Variants in DENND4C observed in about 807,000 individuals in gnomAD.
The protein encoded by DENND4C is DENN domain containing 4C.
In DENND4C, 108 loss-of-function variants were observed where a neutral mutation model predicts 203.0. The ratio of observed to expected loss-of-function variants is 0.53; its 90% CI spans 0.46 to 0.62. DENND4C has a LOEUF of 0.62. Ranked by LOEUF, DENND4C falls within the 20% of genes least tolerant of loss-of-function variation. DENND4C has a pLI of 0.00. For synonymous variants in DENND4C, 871 were observed against 792.4 expected, an observed-to-expected ratio of 1.10 and a Z score of -1.67; for missense variants, 2,481 against 2,301.2, an observed-to-expected ratio of 1.08 and a Z score of -1.60.
chr9:19,348,564 G>A (rs1292705954), intron 23 of DENND4C, among the ~76,000 whole-genome samples: 3 of 152,148 alleles, frequency 2.0e-5, no homozygotes, highest in Non-Finnish European at 4.4e-5. Flanking sequence ...ATTTCAGATC[G>A]TAAAAGGTCT....
Position 19,346,459 on chromosome 9 carries a change from G to A in DENND4C, c.3690G>A (p.Lys1230=), listed in dbSNP as rs760551297. Residue 1230 remains lysine (K), a synonymous_variant, in exon 23 of 33, where the codon AAG becomes AAA. Transcript: ENST00000434457. ...LKTVSKDLRN[K]RSSLYGIAKV... is the part of the protein sequence containing the mutation. ...CAGTATCCAAAGATCTGAGGAATAA[G>A]AGAAGTAGTTTATATGGTATTGCTA... is the stretch of plus-strand genomic sequence containing the variant. The A allele has an allele frequency of 3.1e-6, 5 of 1,614,182 alleles. No individual in the cohort carries two copies. The highest frequency in any genetic ancestry group is 4.2e-6 in the Non-Finnish European group (5 of 1,180,036).
intron 12 of DENND4C, among the ~76,000 whole-genome samples, chr9:19,320,039 C>G (rs1230363210): frequency 1.3e-5 from 2 of 152,050 alleles, no homozygotes; most frequent in African/African-American, 4.8e-5. Flanking sequence ...GGTTCAAGAG[C>G]TGCAGTGTCC....
intron 21 of DENND4C, among the ~76,000 whole-genome samples, chr9:19,342,245 G>A (rs1055264793): frequency 1.3e-4 from 20 of 151,660 alleles, no homozygotes; most frequent in African/African-American, 4.6e-4. Context: ...TTTGGCTTAT[G>A]GAATAAGACA....
chr9:19,282,443 G>A (rs1251160760), intron 2 of DENND4C, among the ~76,000 whole-genome samples: 1 of 150,734 alleles, frequency 6.6e-6, no homozygotes, highest in Non-Finnish European at 1.5e-5. Context: ...TTGTAGAGAT[G>A]GGGTTTCGCC....
chr9:19,275,899 G>T (rs1321217676), intron 1 of DENND4C, among the ~76,000 whole-genome samples: 1 of 152,228 alleles, frequency 6.6e-6, no homozygotes, highest in African/African-American at 2.4e-5. Context: ...GAGCCATCGC[G>T]CCCGGCCCCA....
Position 19,276,343 on chromosome 9 carries a change from G to C in DENND4C, c.169G>C (p.Val57Leu). The C allele has an allele frequency of 4.1e-6, 5 of 1,232,070 alleles. No individual in the cohort carries two copies. The highest frequency in any genetic ancestry group is 4.0e-6 in the Non-Finnish European group (4 of 987,930). 76.3% of individuals were successfully genotyped at this position (1,232,070 alleles called of 1,614,324 possible). ...AIIIKSAGETVPEGYTCVEAT... is the reference protein window; with the variant it reads ...AIIIKSAGETLPEGYTCVEAT... ...TATTATCAAATCAGCTGGAGAAACA[G>C]TACCTGAAGGTTACACCTGTGTAGA... Residue 57 changes from valine to leucine, a missense_variant, in exon 2 of 33, where the codon GTA (valine) becomes CTA (leucine). This residue lies in a region of DENND4C where 187 missense variants were observed against 167.4 expected (regional missense o/e 1.12). Transcript: ENST00000434457.
chr9:19,360,514 C>T (rs375593504), intron 29 of DENND4C, 25 bp downstream of exon 29: 38 of 1,613,378 alleles, frequency 2.4e-5, no homozygotes, highest in East Asian at 6.7e-5. Context: ...TTTATACTTA[C>T]ATTAGTATTC....
chr9:19,235,609 CTTTTTTTTT>C (rs58031665), intron 1 of DENND4C, among the ~76,000 whole-genome samples: 3 of 118,940 alleles, frequency 2.5e-5, no homozygotes, highest in Non-Finnish European at 5.1e-5. Context: ...GAAGAGTCAT[CTTTTTTTTT>C]TTTTTTTTTT....
chr9:19,369,947 C>G lies in DENND4C; in HGVS notation c.5635C>G (p.Leu1879Val), dbSNP rs563664439. Residue 1879 changes from leucine to valine, a missense_variant, in exon 31 of 33, where the codon CTA becomes GTA. By Grantham distance (32) the Leu-to-Val change is conservative. Transcript: ENST00000434457. ...QHNNVLKPINLLSQQMKPGMK... is the reference protein window; with the variant it reads ...QHNNVLKPINVLSQQMKPGMK... ...CAATAATGTTCTTAAACCCATCAAC[C>G]TACTTTCACAGCAAATGAAGCCAGG... The G allele has an allele frequency of 6.2e-7, 1 of 1,613,804 alleles. No individual in the cohort carries two copies. The highest frequency in any genetic ancestry group is 8.5e-7 in the Non-Finnish European group (1 of 1,179,912).
intron 20 of DENND4C, among the ~76,000 whole-genome samples, chr9:19,339,936 T>C (rs2131904322): frequency 6.6e-6 from 1 of 152,328 alleles, no homozygotes; most frequent in South Asian, 2.1e-4. Context: ...ACTGTCCTTA[T>C]TTGGTCCTCA....
chr9:19,251,853 C>T lies in DENND4C; in HGVS notation c.-18+21020C>T, dbSNP rs137995151. Among the ~76,000 whole-genome samples the T allele has an allele frequency of 1.3e-3, 205 of 152,300 alleles. 1 individual carries two copies. Among genetic ancestry groups the T allele is most frequent in the Non-Finnish European group, 2.5e-3 (172 of 68,020 alleles). ...TCAGCCTGAACTTTATTGTCCATAT[C>T]ACGATCAGCATTTTGGTCAAAGCCA... is the stretch of plus-strand genomic sequence containing the variant. On this transcript the variant is annotated intron_variant, in intron 1 of 32. Transcript: ENST00000434457.
chr9:19,356,788 T>TGAGAGAGAGAGA (rs60635871), intron 26 of DENND4C, among the ~76,000 whole-genome samples, 184 bp from the exon 27 acceptor site: 17 of 140,368 alleles, frequency 1.2e-4, no homozygotes, highest in South Asian at 4.5e-4. Flanking sequence ...TGTGTGTGTG[T>TGAGAGAGAGAGA]GAGAGAGAGA....
At chr9:19,246,325 A>G (rs1224126975) in intron 1 of DENND4C, among the ~76,000 whole-genome samples, 2 of 152,148 alleles carry the variant, frequency 1.3e-5, no homozygotes. Context: ...TTATGACCAC[A>G]CATATCTATT....
chr9:19,249,033 C>G (rs1270149246), intron 1 of DENND4C, among the ~76,000 whole-genome samples: 3 of 151,956 alleles, frequency 2.0e-5, no homozygotes, highest in Admixed American at 1.3e-4. Context: ...TTGGTTGATC[C>G]ACCCTTCTCG....
intron 1 of DENND4C, among the ~76,000 whole-genome samples, chr9:19,233,680 C>A (rs1041842591): frequency 3.3e-5 from 5 of 150,392 alleles, no homozygotes; most frequent in African/African-American, 1.2e-4. Flanking sequence ...CCTGCCTCTG[C>A]CTCCCAGATG....
chr9:19,371,050 G>A (rs1217973633), intron 31 of DENND4C, among the ~76,000 whole-genome samples: 1 of 152,210 alleles, frequency 6.6e-6, no homozygotes, highest in African/African-American at 2.4e-5. Context: ...TGTAATATTA[G>A]AAATGTCATA....
intron 1 of DENND4C, among the ~76,000 whole-genome samples, chr9:19,264,856 A>G (rs1332289799): frequency 6.6e-6 from 1 of 150,798 alleles, no homozygotes; most frequent in East Asian, 1.9e-4. Context: ...TTGCTTTTCT[A>G]ATTCTTTAAG....
intron 20 of DENND4C, 61 bp downstream of exon 20, chr9:19,336,893 C>A: frequency 6.8e-7 from 1 of 1,466,316 alleles, no homozygotes; most frequent in Non-Finnish European, 9.2e-7. Flanking sequence ...TTTCCTTTTT[C>A]AAAAAGCTTC....
At chr9:19,245,375 G>A in intron 1 of DENND4C, among the ~76,000 whole-genome samples, 1 of 151,352 alleles carries the variant, frequency 6.6e-6, no homozygotes, top group East Asian at 2.0e-4. Context: ...GCTGAGGCAG[G>A]AGAATGGTGT....
Sources: allele counts gnomAD v4.1 joint callset (sites outside exome capture counted in the v4.1 genomes callset), GRCh38; gene constraint gnomAD v4.1.1; regional missense constraint gnomAD v4.1.1; transcripts MANE v1.5; gene names NCBI Gene and HGNC (gene_info 2026-07-23, HGNC 2026-07-21).